The following PRKX variants were observed in gnomAD, a reference collection of about 807,000 sequenced individuals.
The protein encoded by PRKX is protein kinase cAMP-dependent X-linked catalytic subunit.
Under a neutral mutation model 22.0 loss-of-function variants are expected in PRKX, and 12 were observed. The observed-to-expected ratio is 0.54, with a 90% CI of 0.35 to 0.88. The LOEUF (loss-of-function observed/expected upper bound fraction) is 0.88. Among genes scored for constraint, PRKX ranks in the 40% least tolerant of loss-of-function variants. The pLI is 0.01. For missense variants in PRKX, 217 were observed against 308.0 expected (o/e 0.70, Z 2.21); for synonymous variants, 134 against 137.7 (o/e 0.97, Z 0.19).
intron 1 of PRKX, among the ~76,000 whole-genome samples, 183 bp downstream of exon 1, chrX:3,712,905 G>A (rs1375274496): frequency 8.9e-6 from 1 of 112,605 alleles, no homozygotes; most frequent in African/African-American, 3.2e-5. Context: ...CTGGGGGGCT[G>A]GGGAGTGCGC....
intron 1 of PRKX, among the ~76,000 whole-genome samples, chrX:3,675,742 C>T (rs946408940): frequency 3.6e-5 from 4 of 111,282 alleles, no homozygotes; most frequent in African/African-American, 1.3e-4. Context: ...TCCTGTAACA[C>T]ACTGATCCTA....
At chrX:3,612,994 G>C (rs1386421532) in intron 7 of PRKX, among the ~76,000 whole-genome samples, 2 of 106,730 alleles carry the variant, frequency 1.9e-5, no homozygotes, top group African/African-American at 6.8e-5. Flanking sequence ...CTACCGAAAA[G>C]ACAAAAATTA....
intron 5 of PRKX, among the ~76,000 whole-genome samples, chrX:3,622,713 G>A (rs1406769608): frequency 4.5e-5 from 5 of 111,881 alleles, no homozygotes; most frequent in African/African-American, 1.6e-4. Flanking sequence ...CTAGGATTTT[G>A]TATCCATCCT....
Position 3,674,763 on chromosome X carries a change from G to C in PRKX, c.170C>G (p.Thr57Ser). ...CAGGTGCACCCGCCCGAACGTCCCA[G>C]TGCCTGGAGAGAGAAGAAATCGACA... ...QDFDTLATVG[T>S]GTFGRVHLVK... Residue 57 changes from threonine to serine, a missense_variant, in exon 2 of 9, where the codon ACT (threonine) becomes AGT (serine). Thr to Ser is a moderately conservative substitution (Grantham distance 58). Transcript: ENST00000262848. The C allele has an allele frequency of 8.3e-7, 1 of 1,210,629 alleles. No individual in the cohort carries two copies. Among genetic ancestry groups the C allele is most frequent in the Non-Finnish European group, 1.1e-6 (1 of 894,241 alleles).
intron 1 of PRKX, among the ~76,000 whole-genome samples, chrX:3,690,992 G>A (rs562527607): frequency 1.3e-4 from 15 of 111,612 alleles, no homozygotes; most frequent in South Asian, 7.5e-4. Flanking sequence ...CTACCTCCAC[G>A]ATAGTGTTGC....
chrX:3,621,223 G>A (rs1190027092), intron 6 of PRKX, 36 bp downstream of exon 6: 27 of 1,162,044 alleles, frequency 2.3e-5, no homozygotes, highest in Admixed American at 6.6e-5. Context: ...CACGCACATC[G>A]GGTACCACTG....
At chrX:3,621,128 G>A in intron 6 of PRKX, 131 bp downstream of exon 6, 1 of 496,369 alleles carries the variant, frequency 2.0e-6, no homozygotes, top group Non-Finnish European at 3.3e-6. Flanking sequence ...TAAAACACCA[G>A]ATTTGAAATT....
chrX:3,613,747 G>A (rs748800926), intron 7 of PRKX, among the ~76,000 whole-genome samples: 1 of 104,466 alleles, frequency 9.6e-6, no homozygotes, highest in Non-Finnish European at 1.9e-5. Flanking sequence ...TACTTGGGAG[G>A]CTGAGGCAGA....
At chrX:3,660,076 G>C (rs1183920016) in intron 2 of PRKX, among the ~76,000 whole-genome samples, 1 of 111,983 alleles carries the variant, frequency 8.9e-6, no homozygotes, top group Non-Finnish European at 1.9e-5. Context: ...AATATTTCGT[G>C]ATTAAGCACA....
chrX:3,708,427 T>C (rs1928724189), intron 1 of PRKX, among the ~76,000 whole-genome samples: 2 of 111,200 alleles, frequency 1.8e-5, no homozygotes, highest in Non-Finnish European at 3.8e-5. Flanking sequence ...TTCTGGCCAA[T>C]TCAGGAGAAC....
intron 6 of PRKX, among the ~76,000 whole-genome samples, chrX:3,618,676 A>G (rs932855427): frequency 6.3e-5 from 7 of 111,656 alleles, no homozygotes; most frequent in Non-Finnish European, 1.1e-4. Context: ...GTTTATCTCC[A>G]TATCAGGAAG....
intron 3 of PRKX, among the ~76,000 whole-genome samples, chrX:3,652,267 A>C: frequency 9.0e-6 from 1 of 110,517 alleles, no homozygotes; most frequent in Middle Eastern, 4.7e-3. Context: ...AAATACAAAA[A>C]ATTAGCCGGG....
chrX:3,711,380 G>A (rs1287334046), intron 1 of PRKX, among the ~76,000 whole-genome samples: 1 of 111,455 alleles, frequency 9.0e-6, no homozygotes, highest in Non-Finnish European at 1.9e-5. Context: ...TATTTTTAAA[G>A]ATGAGGTTAC....
intron 4 of PRKX, among the ~76,000 whole-genome samples, chrX:3,633,892 C>T (rs772709850): frequency 8.9e-6 from 1 of 111,856 alleles, no homozygotes; most frequent in South Asian, 3.8e-4. Flanking sequence ...TAGAATTTCA[C>T]TAGAATTTCA....
chrX:3,657,754 T>C (rs1927509095), intron 2 of PRKX, among the ~76,000 whole-genome samples: 1 of 111,649 alleles, frequency 9.0e-6, no homozygotes, highest in South Asian at 3.8e-4. Context: ...CCTGAGGTGC[T>C]TCTCCTTACA....
chrX:3,686,349 T>C (rs1388630034), intron 1 of PRKX, among the ~76,000 whole-genome samples: 2 of 110,300 alleles, frequency 1.8e-5, no homozygotes, highest in African/African-American at 6.6e-5. Context: ...GTTCCATCTG[T>C]ACCAGGTCTG....
In PRKX at chrX:3,688,557, G is replaced by C. The variant is rs138795650; in HGVS notation, c.167-13791C>G. On this transcript the variant is annotated intron_variant, in intron 1 of 8. Coordinates refer to ENST00000262848, the MANE Select transcript of PRKX (RefSeq NM_005044.5). ...TTAGCTTGGGAGGGAACATGCTCTT[G>C]TTCCACACCTATAGATGGGTGGAGG... is the stretch of plus-strand genomic sequence containing the variant. 8.1e-3 allele frequency among the ~76,000 whole-genome samples: 703 copies of C among 86,956 alleles called. 46 individuals are homozygous for C. The highest frequency in any genetic ancestry group is 0.026 in the African/African-American group (679 of 26,333). The allele number at this position is 86,956 out of a possible 115,157, so 75.5% of individuals were successfully genotyped here. A position where few individuals can be genotyped will look rare whatever the true frequency, so the allele number is the denominator to read the frequency against.
At chrX:3,623,094 GAA>G (rs79143615) in intron 5 of PRKX, among the ~76,000 whole-genome samples, 1 of 106,585 alleles carries the variant, frequency 9.4e-6, no homozygotes, top group Non-Finnish European at 1.9e-5. Context: ...TTATAGGGGG[GAA>G]AAAAAGCCCT....
intron 1 of PRKX, among the ~76,000 whole-genome samples, chrX:3,695,249 C>T (rs1034980958): frequency 5.4e-5 from 6 of 111,587 alleles, no homozygotes; most frequent in Non-Finnish European, 9.4e-5. Context: ...TTTTAACTTT[C>T]AGCAGTCCCA....
Sources: gnomAD v4.1 joint callset for allele counts (sites outside exome capture counted in the v4.1 genomes callset) on GRCh38, gnomAD v4.1.1 for gene constraint, MANE v1.5 for transcripts, NCBI Gene and HGNC (gene_info 2026-07-23, HGNC 2026-07-21) for gene names.